The following BICDL2 variants were observed in gnomAD, a reference collection of about 807,000 sequenced individuals.
BICDL2 encodes the protein BICD family like cargo adaptor 2.
Under a neutral mutation model 56.6 loss-of-function variants are expected in BICDL2, and 62 were observed. The observed-to-expected ratio is 1.10, with a 90% CI of 0.89 to 1.35. The LOEUF (loss-of-function observed/expected upper bound fraction) is 1.35. BICDL2 is among the 40% of genes most tolerant of loss of function. The pLI, the probability that BICDL2 is intolerant of heterozygous loss-of-function variation, is 0.00. For missense variants in BICDL2, 808 were observed against 684.5 expected (o/e 1.18, Z -2.01); for synonymous variants, 358 against 319.8 (o/e 1.12, Z -1.27).
In BICDL2 at chr16:3,029,601, G is replaced by C. The variant is rs567178257; in HGVS notation, c.901C>G (p.His301Asp). Residue 301 changes from histidine to aspartate, a missense_variant, in exon 6 of 10, where the codon CAC (histidine) becomes GAC (aspartate). His to Asp is a moderately conservative substitution (Grantham distance 81). Transcript: ENST00000572449. The part of the protein sequence containing the change: ...SAASLQSELA[H>D]SLDDGDQGQG... ...CCCTGGTCGCCGTCGTCGAGGCTGT[G>C]GGCCAGTTCTGACTGCAACGAGGCA... The C allele has an allele frequency of 1.2e-5, 18 of 1,542,996 alleles. No homozygotes were observed. The Admixed American group carries it at 1.6e-4, about 13-fold the overall frequency.
rs762082872 is a variant in BICDL2 at position 3,035,431 on chromosome 16, G to T, written c.66C>A (p.Gly22=). 3 of 1,612,382 alleles carry T rather than the reference G, an allele frequency of 1.9e-6. No individual in the cohort carries two copies. The highest frequency in any genetic ancestry group is 1.7e-5 in the Admixed American group (1 of 60,020). The change falls in exon 2 of 10, where the codon GGC becomes GGA. Residue 22 remains glycine, a synonymous_variant. Transcript: ENST00000572449. The part of the protein sequence containing the change: ...GPLSGGASPS[G]DEGFFPFVLE... ...GCACAAAGGGGAAGAAGCCCTCGTCGCCGCTGGGAGAGGCGCCCCCTGAGA... is the reference window on the plus strand; with the variant it reads ...GCACAAAGGGGAAGAAGCCCTCGTCTCCGCTGGGAGAGGCGCCCCCTGAGA...
chr16:3,029,711 T>A lies in BICDL2; in HGVS notation c.791A>T (p.Glu264Val), dbSNP rs1567420906. Reference sequence around the variant, plus strand: ...CAGCCTCCGCAGCGCACTCAGCGCCTCCCCAGCCTCTGACCGTGCGCGTTC... The same window carrying A: ...CAGCCTCCGCAGCGCACTCAGCGCCACCCCAGCCTCTGACCGTGCGCGTTC... ...ELERARSEAGEALSALRRLQR... is the reference protein window; with the variant it reads ...ELERARSEAGVALSALRRLQR... Residue 264 changes from glutamate to valine, a missense_variant, in exon 6 of 10, where the codon GAG (glutamate) becomes GTG (valine). Physicochemically the swap from Glu to Val is moderately radical, Grantham distance 121. Transcript: ENST00000572449. 1.9e-6 allele frequency: 3 copies of A among 1,539,338 alleles called. No individual in the cohort carries two copies. The Admixed American group carries it at 5.9e-5, about 30-fold the overall frequency.
chr16:3,028,451 A>G lies in BICDL2; in HGVS notation c.1256T>C (p.Leu419Pro), dbSNP rs1344689841. ...CTCCAGCGAGACGCGGTTGAGCTGC[A>G]GGGACAGCTCCAGGGCCCTAGGCGG... Reference protein sequence around the residue: ...EAVNKALELSLQLNRVSLERD... With the variant: ...EAVNKALELSPQLNRVSLERD... The change falls in exon 9 of 10, where the codon CTG (leucine) becomes CCG (proline). Residue 419 changes from leucine (L) to proline (P), a missense_variant. Leu to Pro is a moderately conservative substitution (Grantham distance 98). Transcript: ENST00000572449. 4 of 1,569,288 alleles carry G rather than the reference A, an allele frequency of 2.5e-6. No homozygotes were observed.
chr16:3,029,757 G>C lies in BICDL2; in HGVS notation c.763-18C>G. The stretch of plus-strand genomic sequence containing the variant: ...CGTTCCAGCTGTGGACGGTCCCGCA[G>C]ACGGAAGCGCGGGCGGTCAGCGGGA... On this transcript the variant is annotated intron_variant, in intron 5 of 9. Transcript: ENST00000572449. 1 of 1,459,122 alleles carries C rather than the reference G, an allele frequency of 6.9e-7. No individual in the cohort carries two copies. The highest frequency in any genetic ancestry group is 1.3e-5 in the South Asian group (1 of 76,456). 90.4% of individuals were successfully genotyped at this position (1,459,122 alleles called of 1,614,324 possible).
Position 3,029,576 on chromosome 16 carries a change from C to A in BICDL2, c.926G>T (p.Gly309Val). ...LAHSLDDGDQ[G>V]QGADAPGDTP... ...GTCTCCGGGTGCGTCGGCGCCCTGG[C>A]CCTGGTCGCCGTCGTCGAGGCTGTG... Residue 309 changes from glycine to valine, a missense_variant, in exon 6 of 10, where the codon GGC (glycine) becomes GTC (valine). By Grantham distance (109) the Gly-to-Val change is moderately radical. Transcript: ENST00000572449. The A allele has an allele frequency of 6.5e-7, 1 of 1,545,472 alleles. No homozygotes were observed. Among genetic ancestry groups the A allele is most frequent in the Non-Finnish European group, 8.7e-7 (1 of 1,149,650 alleles).
Position 3,035,467 on chromosome 16 carries a change from C to G in BICDL2, c.30G>C (p.Pro10=), listed in dbSNP as rs372212421. Residue 10 remains proline (P), a synonymous_variant, in exon 2 of 10, where the codon CCG becomes CCC. Transcript: ENST00000572449. ...AGGCGCCCCCTGAGAGCGGCCCGGACGGGAAGCTGGGCCCATCTGGAGAGC... is the reference window on the plus strand; with the variant it reads ...AGGCGCCCCCTGAGAGCGGCCCGGAGGGGAAGCTGGGCCCATCTGGAGAGC... MSSPDGPSF[P]SGPLSGGASP... 6.2e-7 allele frequency: 1 copy of G among 1,611,174 alleles called. No homozygotes were observed. The highest frequency in any genetic ancestry group is 1.7e-5 in the Admixed American group (1 of 59,932).
chr16:3,029,437 C>T lies in BICDL2; in HGVS notation c.958-8G>A, dbSNP rs767104550. 1.3e-5 allele frequency: 20 copies of T among 1,599,752 alleles called. No homozygotes were observed. Among genetic ancestry groups the T allele is most frequent in the Admixed American group, 1.2e-4 (7 of 59,124 alleles). On this transcript the variant is annotated splice_polypyrimidine_tract_variant and splice_region_variant and intron_variant, in intron 6 of 9. Transcript: ENST00000572449. ...CTTTGGGGACCGGGTGGTCTGTGGGCCAAAGAAATGGGTTAGTGGTGTGGA... is the reference window on the plus strand; with the variant it reads ...CTTTGGGGACCGGGTGGTCTGTGGGTCAAAGAAATGGGTTAGTGGTGTGGA...
Position 3,028,398 on chromosome 16 carries a change from G to A in BICDL2, c.1309C>T (p.Arg437Cys), listed in dbSNP as rs752716890. 3.2e-6 allele frequency: 5 copies of A among 1,552,680 alleles called. No homozygotes were observed. In the South Asian group the frequency reaches 4.7e-5, roughly 14 times the overall value. ...AGCGCCACCTTCTGGCGGATGGCGC[G>A]CAGCAGCTCCCGAGACAGGGAGTCT... ...ERDSLSRELL[R>C]AIRQKVALTQ... Residue 437 changes from arginine to cysteine, a missense_variant, in exon 9 of 10, where the codon CGC becomes TGC. Arg to Cys is a radical substitution (Grantham distance 180). Transcript: ENST00000572449.
At position 3,028,458 on chromosome 16, in the gene BICDL2, G is replaced by C; in HGVS notation, c.1249C>G (p.Leu417Val). The C allele has an allele frequency of 1.3e-6, 2 of 1,571,156 alleles. No individual in the cohort carries two copies. Among genetic ancestry groups the C allele is most frequent in the South Asian group, 2.3e-5 (2 of 87,436 alleles). Residue 417 changes from leucine (L) to valine (V), a missense_variant, in exon 9 of 10, where the codon CTG becomes GTG. Physicochemically the swap from Leu to Val is conservative, Grantham distance 32. Transcript: ENST00000572449. ...RDEAVNKALELSLQLNRVSLE... is the reference protein window; with the variant it reads ...RDEAVNKALEVSLQLNRVSLE... Reference sequence around the variant, plus strand: ...GAGACGCGGTTGAGCTGCAGGGACAGCTCCAGGGCCCTAGGCGGGCAGGAG... The same window carrying C: ...GAGACGCGGTTGAGCTGCAGGGACACCTCCAGGGCCCTAGGCGGGCAGGAG...
intron 5 of BICDL2, 108 bp from the exon 6 acceptor site, chr16:3,029,847 A>C: frequency 1.0e-6 from 1 of 972,480 alleles, no homozygotes; most frequent in Non-Finnish European, 1.4e-6. Context: ...CCCGCACCCC[A>C]GCGGCCCAGG....
In BICDL2 at chr16:3,028,545, C is replaced by G; in HGVS notation, c.1239-77G>C. On this transcript the variant is annotated intron_variant, in intron 8 of 9. Coordinates refer to ENST00000572449, the MANE Select transcript of BICDL2 (RefSeq NM_001369667.1). Reference sequence around the variant, plus strand: ...GCCGGGGTGGCGGGGGACTTCTGTACCCGGGCGGGAGGAGGGCTGCAAACA... The same window carrying G: ...GCCGGGGTGGCGGGGGACTTCTGTAGCCGGGCGGGAGGAGGGCTGCAAACA... 3 of 1,535,612 alleles carry G rather than the reference C, an allele frequency of 2.0e-6. No individual in the cohort carries two copies. The African/African-American group carries it at 4.1e-5, about 21-fold the overall frequency.
At chr16:3,028,642 C>T (rs1440812120) in intron 8 of BICDL2, 58 bp downstream of exon 8, 2 of 1,536,982 alleles carry the variant, frequency 1.3e-6, no homozygotes, top group Non-Finnish European at 1.8e-6. Context: ...GAAGAGGAAT[C>T]AGGAGCCCAG....
chr16:3,036,537 C>T (rs1447007371), intron 1 of BICDL2: 8 of 454,954 alleles, frequency 1.8e-5, no homozygotes, highest in Non-Finnish European at 3.1e-5. Context: ...GTGAGTGTCA[C>T]GGTGGTCCCA....
At position 3,028,763 on chromosome 16, in the gene BICDL2, G is replaced by C; in HGVS notation, c.1175C>G (p.Ala392Gly). Residue 392 changes from alanine (A) to glycine (G), a missense_variant, in exon 8 of 10, where the codon GCG (alanine) becomes GGG (glycine). Ala to Gly is a moderately conservative substitution (Grantham distance 60). Coordinates refer to ENST00000572449, the MANE Select transcript of BICDL2 (RefSeq NM_001369667.1). Reference protein sequence around the residue: ...EELQRQKELRAQEDPGEALHS... With the variant: ...EELQRQKELRGQEDPGEALHS... ...CAGGGCCTCCCCAGGGTCTTCCTGC[G>C]CCCGCAGCTCCTTCTGCCTCTGCAG... 1 of 1,560,080 alleles carries C rather than the reference G, an allele frequency of 6.4e-7. No individual in the cohort carries two copies. Among genetic ancestry groups the C allele is most frequent in the Non-Finnish European group, 8.7e-7 (1 of 1,152,326 alleles).
At chr16:3,036,383 G>C in intron 1 of BICDL2, 1 of 451,460 alleles carries the variant, frequency 2.2e-6, no homozygotes, top group Non-Finnish European at 4.5e-6. Flanking sequence ...CAGGGGCTGG[G>C]GTTCAGGGGC....
At position 3,028,422 on chromosome 16, in the gene BICDL2, C is replaced by G. The variant is rs758751623; in HGVS notation, c.1285G>C (p.Asp429His). Residue 429 changes from aspartate to histidine, a missense_variant, in exon 9 of 10, where the codon GAC becomes CAC. By Grantham distance (81) the Asp-to-His change is moderately conservative (BLOSUM62 -1). Coordinates refer to ENST00000572449, the MANE Select transcript of BICDL2 (RefSeq NM_001369667.1). ...LQLNRVSLER[D>H]SLSRELLRAI... ...CGCAGCAGCTCCCGAGACAGGGAGT[C>G]TCGCTCCAGCGAGACGCGGTTGAGC... is the stretch of plus-strand genomic sequence containing the variant. 12 of 1,558,966 alleles carry G rather than the reference C, an allele frequency of 7.7e-6. No homozygotes were observed. In the South Asian group the frequency reaches 1.0e-4, roughly 14 times the overall value.
At position 3,030,586 on chromosome 16, in the gene BICDL2, G is replaced by T; in HGVS notation, c.625C>A (p.Leu209Met). The T allele has an allele frequency of 6.3e-7, 1 of 1,597,038 alleles. No homozygotes were observed. Residue 209 changes from leucine to methionine, a missense_variant, in exon 5 of 10, where the codon CTG (leucine) becomes ATG (methionine). Physicochemically the swap from Leu to Met is conservative, Grantham distance 15 (BLOSUM62 2). Coordinates refer to ENST00000572449, the MANE Select transcript of BICDL2 (RefSeq NM_001369667.1). ...LESLQGENQM[L>M]QSRRQDLEAQ... ...TCCAGGTCCTGCCGGCGGCTCTGCAGCATCTGGTTCTGGGGAAAGGCCTGA... is the reference window on the plus strand; with the variant it reads ...TCCAGGTCCTGCCGGCGGCTCTGCATCATCTGGTTCTGGGGAAAGGCCTGA...
intron 5 of BICDL2, 148 bp from the exon 6 acceptor site, chr16:3,029,887 T>C: frequency 1.5e-6 from 1 of 653,780 alleles, no homozygotes; most frequent in Non-Finnish European, 2.5e-6. Context: ...GCTGGGCGCC[T>C]TGGGCCGTGC....
In BICDL2 at chr16:3,029,638, G is replaced by C. The variant is rs941269365; in HGVS notation, c.864C>G (p.Ala288=). 1.3e-6 allele frequency: 2 copies of C among 1,535,402 alleles called. No homozygotes were observed. The highest frequency in any genetic ancestry group is 1.7e-6 in the Non-Finnish European group (2 of 1,145,420). The change falls in exon 6 of 10, where the codon GCC becomes GCG. Residue 288 remains alanine (A), a synonymous_variant. Transcript: ENST00000572449. ...ACTGCAACGAGGCAGCCGACACGTC[G>C]GCGTCCTGGAGGCGTGACTCCTCCT... ...ELEEESRLQD[A]DVSAASLQSE... is the part of the protein sequence containing the mutation.
Sources: allele counts gnomAD v4.1 joint callset, GRCh38; gene constraint gnomAD v4.1.1; transcripts MANE v1.5; gene names NCBI Gene and HGNC (gene_info 2026-07-23, HGNC 2026-07-21).